OCA2: variants seen among roughly 807,000 people sequenced by gnomAD.
OCA2 encodes P protein.
In OCA2, 77 loss-of-function variants were observed where a neutral mutation model predicts 100.2. The ratio of observed to expected loss-of-function variants is 0.77; its 90% CI spans 0.64 to 0.93. OCA2 has a LOEUF of 0.93. Ranked by LOEUF, OCA2 falls within the 40% of genes least tolerant of loss-of-function variation. The probability of loss-of-function intolerance (pLI) is 0.00; values close to 1 mark genes in which losing one functional copy is unlikely to be tolerated. For synonymous variants in OCA2, 432 were observed against 439.2 expected (o/e 0.98, Z 0.21); for missense variants, 1,062 against 1,089.1 (o/e 0.98, Z 0.35).
intron 3 of OCA2, 28 bp downstream of exon 3, chr15:28,032,037 C>CT: frequency 6.4e-7 from 1 of 1,564,774 alleles, no homozygotes; most frequent in South Asian, 1.1e-5. Flanking sequence ...GAAACTCTTA[C>CT]TTTCATATGA....
At chr15:27,913,777 T>C (rs1438851238) in intron 19 of OCA2, among the ~76,000 whole-genome samples, 1 of 140,700 alleles carries the variant, frequency 7.1e-6, no homozygotes, top group Non-Finnish European at 1.5e-5. Context: ...CCTCCTCTTC[T>C]GATACCAAAC....
chr15:27,882,797 G>A (rs1447546929), intron 19 of OCA2, among the ~76,000 whole-genome samples: 1 of 152,164 alleles, frequency 6.6e-6, no homozygotes, highest in Non-Finnish European at 1.5e-5. Context: ...ATATTGGCCT[G>A]TATCACACGT....
chr15:27,844,845 C>G lies in OCA2; in HGVS notation c.2432+114G>C, dbSNP rs985531363. 3.5e-5 allele frequency: 28 copies of G among 801,214 alleles called. 1 individual carries two copies. In the South Asian group the frequency reaches 3.6e-4, roughly 10 times the overall value. The allele number at this position is 801,214 out of a possible 1,614,324, so 49.6% of individuals were successfully genotyped here. ...GAGCTAATCTCCCCTACACCACAGT[C>G]TCTCTACTTGCTAAAAATATGCTTA... is the stretch of plus-strand genomic sequence containing the variant. On this transcript the variant is annotated intron_variant, in intron 23 of 23. Coordinates refer to ENST00000354638, the MANE Select transcript of OCA2 (RefSeq NM_000275.3).
intron 23 of OCA2, among the ~76,000 whole-genome samples, chr15:27,794,571 G>A (rs555194775): frequency 6.6e-6 from 1 of 152,172 alleles, no homozygotes; most frequent in Admixed American, 6.5e-5. Context: ...GTAAATACAC[G>A]TGTGCAGATG....
At chr15:27,721,333 A>T in the OCA2 span, among the ~76,000 whole-genome samples, 1 of 152,146 alleles carries the variant, frequency 6.6e-6, no homozygotes, top group Non-Finnish European at 1.5e-5. Flanking sequence ...GTGTCACTGC[A>T]TTTCAACCTG....
At chr15:27,792,647 C>T (rs753908333) in intron 23 of OCA2, among the ~76,000 whole-genome samples, 8 of 152,266 alleles carry the variant, frequency 5.3e-5, no homozygotes, top group Non-Finnish European at 7.4e-5. Context: ...GCTTCTCACT[C>T]CTCTGCACCC....
At chr15:27,908,182 TA>T (rs2038249890) in intron 19 of OCA2, among the ~76,000 whole-genome samples, 1 of 151,854 alleles carries the variant, frequency 6.6e-6, no homozygotes, top group Admixed American at 6.6e-5. Flanking sequence ...TAATAAATCA[TA>T]AAAAAGATAA....
rs139677407 is a variant in OCA2 at position 27,989,127 on chromosome 15, G to A, written c.1182+474C>T. ...ACACTAGTGAGTCCCACACTAGCCC[G>A]CTTGGGCACTTCGAGATCCTGCAGG... On this transcript the variant is annotated intron_variant, in intron 11 of 23. Transcript: ENST00000354638. 3.4e-3 allele frequency among the ~76,000 whole-genome samples: 516 copies of A among 152,204 alleles called. 6 individuals are homozygous for A. Among genetic ancestry groups the A allele is most frequent in the African/African-American group, 0.012 (484 of 41,532 alleles).
At chr15:28,091,022 C>A (rs897401516) in intron 1 of OCA2, among the ~76,000 whole-genome samples, 1 of 152,108 alleles carries the variant, frequency 6.6e-6, no homozygotes, top group African/African-American at 2.4e-5. Context: ...ATTACAGACC[C>A]TGAAGACATC....
intron 14 of OCA2, among the ~76,000 whole-genome samples, chr15:27,971,223 A>T (rs2040777823): frequency 6.6e-6 from 1 of 152,160 alleles, no homozygotes; most frequent in African/African-American, 2.4e-5. Flanking sequence ...AGCGCACAGT[A>T]TAGTGGGAAA....
chr15:27,839,597 A>C (rs1048348641), intron 23 of OCA2, among the ~76,000 whole-genome samples: 1 of 152,222 alleles, frequency 6.6e-6, no homozygotes, highest in Admixed American at 6.5e-5. Context: ...AAAGCCTCCG[A>C]CTCACAGTAG....
intron 5 of OCA2, among the ~76,000 whole-genome samples, chr15:28,022,812 C>A (rs535138282): frequency 3.9e-4 from 60 of 152,198 alleles, no homozygotes; most frequent in African/African-American, 1.3e-3. Flanking sequence ...AAATGCCTGG[C>A]CATAAAATTA....
At chr15:28,010,318 G>A (rs1349881238) in intron 9 of OCA2, among the ~76,000 whole-genome samples, 1 of 152,156 alleles carries the variant, frequency 6.6e-6, no homozygotes, top group Admixed American at 6.5e-5. Context: ...TTCCCTTTAA[G>A]ATTGAGAACA....
At chr15:28,046,848 C>G (rs2141520949) in intron 2 of OCA2, among the ~76,000 whole-genome samples, 1 of 152,268 alleles carries the variant, frequency 6.6e-6, no homozygotes, top group South Asian at 2.1e-4. Context: ...CAGCCACAAG[C>G]CTGGCTTTAC....
the OCA2 span, among the ~76,000 whole-genome samples, chr15:27,728,252 C>T: frequency 0.038 from 5,793 of 152,114 alleles, 370 homozygotes; most frequent in African/African-American, 0.13. Flanking sequence ...GTGGGACAGT[C>T]GTAGACATTT....
chr15:27,984,749 C>T (rs568992306), intron 13 of OCA2, among the ~76,000 whole-genome samples: 1 of 152,152 alleles, frequency 6.6e-6, no homozygotes, highest in Non-Finnish European at 1.5e-5. Flanking sequence ...TTAGTAGAGA[C>T]GGGGTTTCAC....
intron 2 of OCA2, among the ~76,000 whole-genome samples, chr15:28,056,924 C>A (rs1292951889): frequency 1.3e-5 from 2 of 152,254 alleles, no homozygotes; most frequent in Admixed American, 1.3e-4. Flanking sequence ...GCTGCCTGCC[C>A]CCTGCCTCTG....
chr15:27,844,412 C>T (rs1054918820), intron 23 of OCA2, among the ~76,000 whole-genome samples: 10 of 152,256 alleles, frequency 6.6e-5, no homozygotes, highest in African/African-American at 2.4e-4. Flanking sequence ...GACAGCCACA[C>T]GAAATATCTG....
At chr15:27,882,669 T>G (rs2037067532) in intron 19 of OCA2, among the ~76,000 whole-genome samples, 1 of 152,190 alleles carries the variant, frequency 6.6e-6, no homozygotes, top group Non-Finnish European at 1.5e-5. Flanking sequence ...AACTCTGGAT[T>G]CTGTTTTAAT....
Sources: allele counts gnomAD v4.1 joint callset (sites outside exome capture counted in the v4.1 genomes callset), GRCh38; gene constraint gnomAD v4.1.1; transcripts MANE v1.5; gene names NCBI Gene and HGNC (gene_info 2026-07-23, HGNC 2026-07-21).